Variants in CEP43 observed in about 807,000 individuals in gnomAD.
The protein encoded by CEP43 is FGFR1 oncogene partner.
CEP43 carries 36 observed loss-of-function variants against 52.6 expected under a neutral mutation model. The observed-to-expected ratio is 0.68, with a 90% CI of 0.52 to 0.90. The LOEUF (loss-of-function observed/expected upper bound fraction) is 0.90. Among genes scored for constraint, CEP43 ranks in the 40% least tolerant of loss-of-function variants. The pLI, the probability that CEP43 is intolerant of heterozygous loss-of-function variation, is 0.00. For missense variants in CEP43, 506 were observed against 472.8 expected, an observed-to-expected ratio of 1.07 and a Z score of -0.65; for synonymous variants, 192 against 172.4, an observed-to-expected ratio of 1.11 and a Z score of -0.89.
intron 7 of CEP43, among the ~76,000 whole-genome samples, chr6:167,016,513 C>T (rs574364911): frequency 3.9e-5 from 6 of 152,348 alleles, no homozygotes; most frequent in East Asian, 1.9e-4. Flanking sequence ...CCTCCTGCCT[C>T]GGCCTCCCAA....
chr6:167,050,475 A>G lies in CEP43; in HGVS notation c.*10497A>G, dbSNP rs1284553913. The G allele has an allele frequency of 1.3e-5, 2 of 152,196 alleles. No homozygotes were observed. Among genetic ancestry groups the G allele is most frequent in the Non-Finnish European group, 2.9e-5 (2 of 68,064 alleles). The allele number at this position is 152,196 out of a possible 1,614,324, so 9.4% of individuals were successfully genotyped here. On this transcript the variant is annotated 3_prime_UTR_variant, in exon 13 of 13. Transcript: ENST00000366847. ...GATCTTACTCTTAGTTGTTCTATCC[A>G]TCATTGAAAATGGGGCATTGGCCAG...
At chr6:167,010,757 G>C (rs1562525196) in intron 5 of CEP43, 56 bp from the exon 6 acceptor site, 6 of 791,468 alleles carry the variant, frequency 7.6e-6, no homozygotes, top group Middle Eastern at 6.6e-4. Flanking sequence ...GAGTGTAATT[G>C]GTATATTTGT....
intron 4 of CEP43, 162 bp downstream of exon 4, chr6:167,003,973 G>T: frequency 1.6e-6 from 1 of 608,194 alleles, no homozygotes; most frequent in South Asian, 2.3e-5. Context: ...TGAGCTTTCA[G>T]ATAGCTGGCA....
rs532662447 is a variant in CEP43 at position 167,031,299 on chromosome 6, C to T, written c.989-1304C>T. On this transcript the variant is annotated intron_variant, in intron 10 of 12. Transcript: ENST00000366847. ...ATGTTTCCTCTTGGAACACACTGTC[C>T]CCAGTAATTTGTACCTCTGCAACCT... is the stretch of plus-strand genomic sequence containing the variant. 7.2e-5 allele frequency among the ~76,000 whole-genome samples: 11 copies of T among 152,144 alleles called. No homozygotes were observed. In the East Asian group the frequency reaches 2.1e-3, roughly 30 times the overall value.
At chr6:167,038,623 A>G (rs2128668705) in intron 12 of CEP43, among the ~76,000 whole-genome samples, 1 of 152,292 alleles carries the variant, frequency 6.6e-6, no homozygotes, top group East Asian at 1.9e-4. Flanking sequence ...GATGTGTTTT[A>G]TTTTAAATTT....
chr6:167,030,783 G>A (rs973116628), intron 10 of CEP43, among the ~76,000 whole-genome samples: 1 of 151,994 alleles, frequency 6.6e-6, no homozygotes, highest in Admixed American at 6.5e-5. Context: ...TCTGGCGGTG[G>A]TACGATTATC....
chr6:167,039,305 T>A (rs1780645404), intron 12 of CEP43, among the ~76,000 whole-genome samples: 1 of 152,106 alleles, frequency 6.6e-6, no homozygotes, highest in Admixed American at 6.5e-5. Context: ...AATTTTTGTA[T>A]TTTTGTAGAG....
chr6:167,011,034 T>C (rs1583273554), intron 6 of CEP43, 141 bp downstream of exon 6: 1 of 439,048 alleles, frequency 2.3e-6, no homozygotes, highest in East Asian at 3.6e-5. Flanking sequence ...AGGTGCTTTT[T>C]TTCCATTAAG....
At position 167,004,267 on chromosome 6, in the gene CEP43, C is replaced by A; in HGVS notation, c.304C>A (p.Gln102Lys). Residue 102 changes from glutamine (Q) to lysine (K), a missense_variant, in exon 5 of 13, where the codon CAA becomes AAA. Transcript: ENST00000366847. ...TGTATTTTAACTTCTTTTCTAGCTG[C>A]AAGGTCTCGAAGGTCGAGAGAATTT... is the stretch of plus-strand genomic sequence containing the variant. ...AVFQPETSTL[Q>K]GLEGRENLAR... 6.3e-7 allele frequency: 1 copy of A among 1,594,434 alleles called. No individual in the cohort carries two copies. The highest frequency in any genetic ancestry group is 2.2e-5 in the East Asian group (1 of 44,536).
chr6:167,000,685 A>G (rs1779714733), intron 2 of CEP43, among the ~76,000 whole-genome samples: 1 of 152,244 alleles, frequency 6.6e-6, no homozygotes, highest in Non-Finnish European at 1.5e-5. Flanking sequence ...AAATCAGTCT[A>G]CTGTCCTCTC....
At chr6:167,036,989 G>A (rs961438629) in intron 12 of CEP43, among the ~76,000 whole-genome samples, 1 of 152,098 alleles carries the variant, frequency 6.6e-6, no homozygotes, top group Admixed American at 6.5e-5. Context: ...ATTTTGAGTA[G>A]AGATGGGGTT....
chr6:167,044,302 TA>T lies in CEP43; in HGVS notation c.*4330del. On this transcript the variant is annotated 3_prime_UTR_variant, in exon 13 of 13. Transcript: ENST00000366847. Reference sequence around the variant, plus strand: ...GGTTATAATAAAAATGATTTTTGACTAAAAAATTGTTGGCCTAAGATAATTC... The same window carrying T: ...GGTTATAATAAAAATGATTTTTGACTAAAAATTGTTGGCCTAAGATAATTC... 2 of 614,304 alleles carry T rather than the reference TA, an allele frequency of 3.3e-6. No individual in the cohort carries two copies. Among genetic ancestry groups the T allele is most frequent in the Non-Finnish European group, 4.1e-6 (2 of 490,782 alleles). 38.1% of individuals were successfully genotyped at this position (614,304 alleles called of 1,614,324 possible).
intron 7 of CEP43, 142 bp downstream of exon 7, chr6:167,013,709 C>T (rs1011774374): frequency 1.0e-4 from 66 of 649,748 alleles, no homozygotes; most frequent in African/African-American, 1.0e-3. Context: ...CTAGGTGGCT[C>T]ACGCCTGTAA....
At chr6:167,009,794 C>G (rs1003782215) in intron 5 of CEP43, among the ~76,000 whole-genome samples, 1 of 151,792 alleles carries the variant, frequency 6.6e-6, no homozygotes, top group Admixed American at 6.6e-5. Flanking sequence ...CGAGATCGCA[C>G]CACTGCACTC....
chr6:167,010,696 G>T (rs983895724), intron 5 of CEP43, 117 bp from the exon 6 acceptor site: 13 of 501,112 alleles, frequency 2.6e-5, no homozygotes, highest in African/African-American at 2.2e-4. Flanking sequence ...ACTTTAATAA[G>T]AAATAAAATA....
chr6:167,026,657 ATTATTT>A (rs1168600951), intron 10 of CEP43, 42 bp downstream of exon 10: 1 of 1,266,944 alleles, frequency 7.9e-7, no homozygotes, highest in South Asian at 1.2e-5. Flanking sequence ...TTTTAAAGTG[ATTATTT>A]TTAGGGTAAG....
intron 6 of CEP43, 86 bp from the exon 7 acceptor site, chr6:167,013,422 G>T: frequency 9.2e-7 from 1 of 1,089,736 alleles, no homozygotes. Context: ...ACATTTTTCA[G>T]TAGGTATCTT....
Position 167,024,871 on chromosome 6 carries a change from C to A in CEP43, c.896C>A (p.Ala299Asp). The change falls in exon 9 of 13, where the codon GCC (alanine) becomes GAC (aspartate). Residue 299 changes from alanine (A) to aspartate (D), a missense_variant. Coordinates refer to ENST00000366847, the MANE Select transcript of CEP43 (RefSeq NM_007045.4). ...AGTGGACTCAGCTCCCTGGCGGGAG[C>A]CCCTTCTTTAAAAGACTCTGAGAGT... Reference protein sequence around the residue: ...LKSGLSSLAGAPSLKDSESKR... With the variant: ...LKSGLSSLAGDPSLKDSESKR... The A allele has an allele frequency of 6.2e-7, 1 of 1,608,732 alleles. No individual in the cohort carries two copies. Among genetic ancestry groups the A allele is most frequent in the South Asian group, 1.1e-5 (1 of 90,868 alleles).
intron 10 of CEP43, chr6:167,028,669 A>G (rs545949154): frequency 3.1e-5 from 7 of 225,086 alleles, no homozygotes; most frequent in African/African-American, 7.0e-5. Context: ...TTCATATCCT[A>G]TGAGGTAGGT....
Sources: gnomAD v4.1 joint callset for allele counts (sites outside exome capture counted in the v4.1 genomes callset) on GRCh38, gnomAD v4.1.1 for gene constraint, MANE v1.5 for transcripts, NCBI Gene and HGNC (gene_info 2026-07-23, HGNC 2026-07-21) for gene names.